HRH1: variants seen among roughly 807,000 people sequenced by gnomAD.
HRH1 encodes the protein histamine H1 receptor.
In HRH1, 6 loss-of-function variants were observed where a neutral mutation model predicts 10.3. The ratio of observed to expected loss-of-function variants is 0.58; its 90% confidence interval spans 0.32 to 1.15. The LOEUF (loss-of-function observed/expected upper bound fraction) is 1.15. HRH1 is among the 50% of genes most tolerant of loss of function. The pLI, the probability that HRH1 is intolerant of heterozygous loss-of-function variation, is 0.05. For synonymous variants in HRH1, 242 were observed against 236.7 expected, an observed-to-expected ratio of 1.02 and a Z score of -0.21; for missense variants, 514 against 615.3, an observed-to-expected ratio of 0.84 and a Z score of 1.74.
At chr3:11,201,714 G>A (rs922872938) in intron 1 of HRH1, among the ~76,000 whole-genome samples, 1 of 152,224 alleles carries the variant, frequency 6.6e-6, no homozygotes, top group Non-Finnish European at 1.5e-5. Context: ...CACCCTCAAG[G>A]GGGACATGCC....
At chr3:11,234,554 T>C in intron 1 of HRH1, 2 of 1,417,212 alleles carry the variant, frequency 1.4e-6, no homozygotes, top group Non-Finnish European at 2.0e-6. Flanking sequence ...ATTGGTAGTA[T>C]CAATCCATGC....
chr3:11,142,373 A>G (rs1351527427), intron 1 of HRH1, among the ~76,000 whole-genome samples: 1 of 152,216 alleles, frequency 6.6e-6, no homozygotes, highest in Non-Finnish European at 1.5e-5. Flanking sequence ...AGTTCATTCA[A>G]TTACCATTCA....
chr3:11,248,159 A>G (rs1370780413), intron 1 of HRH1, among the ~76,000 whole-genome samples: 4 of 152,246 alleles, frequency 2.6e-5, no homozygotes, highest in Non-Finnish European at 4.4e-5. Context: ...TTTTTCAGCT[A>G]ATATCACGTC....
intron 1 of HRH1, among the ~76,000 whole-genome samples, chr3:11,256,152 G>C (rs1289970258): frequency 6.6e-6 from 1 of 152,170 alleles, no homozygotes; most frequent in African/African-American, 2.4e-5. Context: ...CAGGAGCATA[G>C]GGCAGGACTT....
intron 1 of HRH1, among the ~76,000 whole-genome samples, chr3:11,213,851 C>A (rs531105239): frequency 1.2e-4 from 18 of 152,348 alleles, no homozygotes; most frequent in African/African-American, 4.1e-4. Flanking sequence ...TGGACTCTTA[C>A]TGCTTTAGAC....
chr3:11,217,387 G>C (rs116359952), intron 1 of HRH1, among the ~76,000 whole-genome samples: 1 of 151,928 alleles, frequency 6.6e-6, no homozygotes, highest in African/African-American at 2.4e-5. Flanking sequence ...AAATTATCCC[G>C]GCATGATGGC....
At chr3:11,226,446 A>C (rs1219166088) in intron 1 of HRH1, 1 of 152,290 alleles carries the variant, frequency 6.6e-6, no homozygotes, top group Non-Finnish European at 1.5e-5. Context: ...GAGGATGAGC[A>C]GGTGATGCTG....
intron 1 of HRH1, among the ~76,000 whole-genome samples, chr3:11,204,917 G>A (rs1938062243): frequency 6.6e-6 from 1 of 152,088 alleles, no homozygotes; most frequent in Non-Finnish European, 1.5e-5. Context: ...TTTCCTGCAG[G>A]GAGAGCCCAA....
chr3:11,224,063 G>C (rs532372421), intron 1 of HRH1, among the ~76,000 whole-genome samples: 272 of 152,236 alleles, frequency 1.8e-3, no homozygotes, highest in Non-Finnish European at 2.8e-3. Context: ...CATCTCTCCT[G>C]TGCATGCAAA....
intron 1 of HRH1, chr3:11,234,496 G>C: frequency 6.7e-7 from 1 of 1,485,048 alleles, no homozygotes; most frequent in Non-Finnish European, 9.4e-7. Flanking sequence ...CCCCACAGGG[G>C]CCGCTGGCCA....
intron 1 of HRH1, among the ~76,000 whole-genome samples, chr3:11,258,391 T>C (rs927122394): frequency 1.3e-5 from 2 of 152,162 alleles, no homozygotes; most frequent in Admixed American, 6.5e-5. Flanking sequence ...TTCTTGGCCT[T>C]CCCGATGGTC....
chr3:11,193,266 G>A (rs1008760891), intron 1 of HRH1, among the ~76,000 whole-genome samples: 5 of 152,172 alleles, frequency 3.3e-5, no homozygotes, highest in Non-Finnish European at 7.3e-5. Flanking sequence ...ATTGCAAACA[G>A]AACTTTTAAA....
chr3:11,143,442 C>T (rs1936335118), intron 1 of HRH1, among the ~76,000 whole-genome samples: 1 of 152,236 alleles, frequency 6.6e-6, no homozygotes. Flanking sequence ...AGCTCACCAT[C>T]TATCCAACTC....
chr3:11,228,613 A>G (rs1300131641), intron 1 of HRH1, among the ~76,000 whole-genome samples: 1 of 151,448 alleles, frequency 6.6e-6, no homozygotes, highest in African/African-American at 2.4e-5. Context: ...GGACACCTGA[A>G]TTCATTCTGT....
intron 1 of HRH1, among the ~76,000 whole-genome samples, chr3:11,140,217 A>T (rs1936265434): frequency 1.3e-5 from 2 of 152,186 alleles, no homozygotes; most frequent in African/African-American, 4.8e-5. Flanking sequence ...ACCCCATCTG[A>T]CAGAGAGAAG....
intron 1 of HRH1, among the ~76,000 whole-genome samples, chr3:11,180,897 A>C (rs997425673): frequency 6.6e-6 from 1 of 151,538 alleles, no homozygotes; most frequent in Admixed American, 6.6e-5. Context: ...GCTATTATAA[A>C]TAATGCTGCT....
At chr3:11,241,043 T>C (rs1939322952) in intron 1 of HRH1, among the ~76,000 whole-genome samples, 2 of 152,330 alleles carry the variant, frequency 1.3e-5, no homozygotes, top group South Asian at 4.2e-4. Context: ...ATTTCTTTAT[T>C]TTTATTTTTT....
intron 1 of HRH1, chr3:11,234,719 T>C (rs1295397453): frequency 3.3e-6 from 3 of 901,866 alleles, no homozygotes; most frequent in Non-Finnish European, 5.6e-6. Context: ...GAAGTGGCGG[T>C]GGCAGCAGCT....
intron 1 of HRH1, among the ~76,000 whole-genome samples, chr3:11,257,086 C>T (rs1205603780): frequency 1.3e-5 from 2 of 151,134 alleles, no homozygotes; most frequent in African/African-American, 2.4e-5. Flanking sequence ...AACCCCTTCT[C>T]TACTAAAAAT....
Sources: allele counts gnomAD v4.1 joint callset (sites outside exome capture counted in the v4.1 genomes callset), GRCh38; gene constraint gnomAD v4.1.1; transcripts MANE v1.5; gene names NCBI Gene and HGNC (gene_info 2026-07-23, HGNC 2026-07-21).